Variants in TXNRD1 observed in about 807,000 individuals in gnomAD.
TXNRD1 encodes thioredoxin reductase 1, cytoplasmic.
A neutral mutation model predicts 80.3 loss-of-function variants in TXNRD1; 57 were observed. That is an observed-to-expected ratio of 0.71 (90% CI 0.57 to 0.89). TXNRD1 has a LOEUF of 0.89. Ranked by LOEUF, TXNRD1 falls within the 40% of genes least tolerant of loss-of-function variation. The pLI is 0.00. For synonymous variants in TXNRD1, 291 were observed against 285.2 expected, an observed-to-expected ratio of 1.02 and a Z score of -0.20; for missense variants, 730 against 803.0, an observed-to-expected ratio of 0.91 and a Z score of 1.10.
At chr12:104,231,695 G>A (rs1215879718) in intron 1 of TXNRD1, among the ~76,000 whole-genome samples, 3 of 152,042 alleles carry the variant, frequency 2.0e-5, no homozygotes, top group Non-Finnish European at 4.4e-5. Flanking sequence ...GAAGTTCCTT[G>A]ATTTTATTTT....
At chr12:104,263,042 A>G (rs1222438202) in intron 3 of TXNRD1, among the ~76,000 whole-genome samples, 1 of 152,196 alleles carries the variant, frequency 6.6e-6, no homozygotes, top group Non-Finnish European at 1.5e-5. Context: ...GAAAACAACC[A>G]TCAGGGTCCA....
intron 6 of TXNRD1, among the ~76,000 whole-genome samples, chr12:104,314,000 C>T (rs1476645447): frequency 2.6e-5 from 4 of 152,132 alleles, no homozygotes; most frequent in Admixed American, 6.5e-5. Flanking sequence ...TGAGAATGAG[C>T]CAGCTGTCAA....
intron 1 of TXNRD1, among the ~76,000 whole-genome samples, chr12:104,250,477 G>A (rs970250903): frequency 6.6e-6 from 1 of 152,096 alleles, no homozygotes; most frequent in Non-Finnish European, 1.5e-5. Context: ...GTAGGTTCTA[G>A]AGAATGATAA....
chr12:104,251,774 A>G, intron 2 of TXNRD1, 96 bp downstream of exon 2: 1 of 1,448,188 alleles, frequency 6.9e-7, no homozygotes, highest in South Asian at 1.2e-5. Flanking sequence ...CTTTAGGAAG[A>G]GTGTATGTAG....
chr12:104,332,233 C>T lies in TXNRD1; in HGVS notation c.1650+592C>T, dbSNP rs146671725. Among the ~76,000 whole-genome samples, 258 of 152,222 alleles carry T rather than the reference C, an allele frequency of 1.7e-3. 2 individuals carry two copies. Among genetic ancestry groups the T allele is most frequent in the African/African-American group, 5.9e-3 (246 of 41,548 alleles). ...ACATGAAATACACTGTTTCTGTATA[C>T]ACAAATAATGCCACCCAAAAGGACT... On this transcript the variant is annotated intron_variant, in intron 14 of 16. Transcript: ENST00000525566.
intron 3 of TXNRD1, among the ~76,000 whole-genome samples, chr12:104,285,000 C>T (rs2033942425): frequency 6.6e-6 from 1 of 152,016 alleles, no homozygotes; most frequent in East Asian, 1.9e-4. Context: ...GTGTTGAAAC[C>T]CCATTTCTAC....
intron 4 of TXNRD1, among the ~76,000 whole-genome samples, chr12:104,299,962 G>A (rs927820487): frequency 2.0e-5 from 3 of 152,192 alleles, no homozygotes; most frequent in Non-Finnish European, 4.4e-5. Context: ...ATTAGGATAA[G>A]TGTATATGTT....
chr12:104,257,261 C>A (rs927767144), intron 2 of TXNRD1, among the ~76,000 whole-genome samples: 1 of 151,736 alleles, frequency 6.6e-6, no homozygotes, highest in African/African-American at 2.4e-5. Flanking sequence ...ATTTAATAGT[C>A]TCAGAGCATA....
intron 14 of TXNRD1, among the ~76,000 whole-genome samples, chr12:104,332,774 A>G (rs1421464168): frequency 6.7e-6 from 1 of 149,114 alleles, no homozygotes; most frequent in Non-Finnish European, 1.5e-5. Flanking sequence ...AAAAAAAAGA[A>G]TAGTATATCT....
intron 1 of TXNRD1, among the ~76,000 whole-genome samples, chr12:104,237,251 A>G (rs1284062097): frequency 6.6e-6 from 1 of 152,184 alleles, no homozygotes; most frequent in East Asian, 1.9e-4. Flanking sequence ...AATACACTGT[A>G]AGGGGTGGCT....
chr12:104,263,152 A>G (rs7137305), intron 3 of TXNRD1, among the ~76,000 whole-genome samples: 91,124 of 152,082 alleles, frequency 0.6, 27,744 homozygotes, highest in East Asian at 0.84. Flanking sequence ...CATACATGCT[A>G]TCCTCCTTGT....
At chr12:104,278,410 A>G (rs1009951490) in intron 3 of TXNRD1, among the ~76,000 whole-genome samples, 1 of 143,938 alleles carries the variant, frequency 6.9e-6, no homozygotes, top group African/African-American at 2.6e-5. Context: ...CATTTTAGCC[A>G]GGACGGTCTC....
chr12:104,323,229 C>T (rs796418082), intron 10 of TXNRD1, among the ~76,000 whole-genome samples: 2 of 106,078 alleles, frequency 1.9e-5, no homozygotes, highest in Non-Finnish European at 4.4e-5. Context: ...GGCAACCATC[C>T]GATTTCTCAA....
In TXNRD1 at chr12:104,239,446, C is replaced by T. The variant is rs149707986; in HGVS notation, c.92-12081C>T. Among the ~76,000 whole-genome samples, 414 of 152,262 alleles carry T rather than the reference C, an allele frequency of 2.7e-3. 1 individual carries two copies. Among genetic ancestry groups the T allele is most frequent in the Non-Finnish European group, 4.9e-3 (331 of 68,022 alleles). On this transcript the variant is annotated intron_variant, in intron 1 of 16. Coordinates refer to ENST00000525566, the MANE Select transcript of TXNRD1 (RefSeq NM_001093771.3). ...CTGACCTCAGATGATCCTCCTGCCT[C>T]GGCCTCACGAAGTACTGGGATTACA...
intron 1 of TXNRD1, among the ~76,000 whole-genome samples, chr12:104,219,443 C>T (rs907191494): frequency 6.6e-6 from 1 of 152,128 alleles, no homozygotes; most frequent in African/African-American, 2.4e-5. Context: ...GCACTGGGAA[C>T]TCAGGGATAA....
At chr12:104,256,781 AAAAAAAAAAAG>A (rs996735621) in intron 2 of TXNRD1, among the ~76,000 whole-genome samples, 3 of 148,974 alleles carry the variant, frequency 2.0e-5, no homozygotes, top group Non-Finnish European at 4.4e-5. Flanking sequence ...TGTCTCAAAA[AAAAAAAAAAAG>A]AAAAAGAAAA....
At chr12:104,243,250 C>A (rs1277592192) in intron 1 of TXNRD1, among the ~76,000 whole-genome samples, 10 of 152,068 alleles carry the variant, frequency 6.6e-5, no homozygotes, top group African/African-American at 2.2e-4. Context: ...ATTATCATGT[C>A]CTTTTAGGGA....
At chr12:104,254,630 G>GGAAAAAAAAA (rs1555207847) in intron 2 of TXNRD1, among the ~76,000 whole-genome samples, 1 of 17,294 alleles carries the variant, frequency 5.8e-5, no homozygotes, top group African/African-American at 2.4e-4. Flanking sequence ...TATGTCTATG[G>GGAAAAAAAAA]AAAAAAAAAA....
At chr12:104,343,962 A>G (rs149270762) in intron 16 of TXNRD1, among the ~76,000 whole-genome samples, 6 of 151,944 alleles carry the variant, frequency 3.9e-5, no homozygotes, top group African/African-American at 1.4e-4. Flanking sequence ...AAATGGCCTG[A>G]TGTGGTGGTG....
Sources: allele counts gnomAD v4.1 joint callset (sites outside exome capture counted in the v4.1 genomes callset), GRCh38; gene constraint gnomAD v4.1.1; transcripts MANE v1.5; gene names NCBI Gene and HGNC (gene_info 2026-07-23, HGNC 2026-07-21).